The following DYNC1H1 variants were observed in gnomAD, a reference collection of about 807,000 sequenced individuals.
DYNC1H1 encodes the protein dynein cytoplasmic 1 heavy chain 1.
In DYNC1H1, 51 loss-of-function variants were observed where a neutral mutation model predicts 527.1. The ratio of observed to expected loss-of-function variants is 0.10; its 90% confidence interval spans 0.08 to 0.12. DYNC1H1 has a LOEUF of 0.12. Among genes scored for constraint, DYNC1H1 ranks in the 10% least tolerant of loss-of-function variants. The pLI is 1.00. For synonymous variants in DYNC1H1, 2,189 were observed against 2,278.8 expected (o/e 0.96, Z 1.12); for missense variants, 2,771 against 5,971.8 (o/e 0.46, Z 17.66).
rs1216009602 is a variant in DYNC1H1 at position 102,053,871 on chromosome 14, C to G, written c.*3308C>G. The stretch of plus-strand genomic sequence containing the variant: ...AAGTGATCCTCCCACCTCAGCCTCC[C>G]CAGACTACAGGTGCACACCACCACG... On this transcript the variant is annotated 3_prime_UTR_variant, in exon 78 of 78. Coordinates refer to ENST00000360184, the MANE Select transcript of DYNC1H1 (RefSeq NM_001376.5). 1 of 150,224 alleles carries G rather than the reference C, an allele frequency of 6.7e-6. No individual in the cohort carries two copies. The highest frequency in any genetic ancestry group is 1.5e-5 in the Non-Finnish European group (1 of 67,708). The allele number at this position is 150,224 out of a possible 1,614,324, so 9.3% of individuals were successfully genotyped here.
rs1016845822 is a variant in DYNC1H1, at chr14:102,011,442, G to A, written c.6619-433G>A. 5.9e-6 allele frequency: 2 copies of A among 341,446 alleles called. No individual in the cohort carries two copies. The highest frequency in any genetic ancestry group is 2.4e-5 in the South Asian group (1 of 41,798). The allele number at this position is 341,446 out of a possible 1,614,324, so 21.2% of individuals were successfully genotyped here. On this transcript the variant is annotated intron_variant, in intron 32 of 77. Coordinates refer to ENST00000360184, the MANE Select transcript of DYNC1H1 (RefSeq NM_001376.5). This position sits in a 1 kb window ranked among gnomAD's most constrained non-coding sequence, Gnocchi z 5.3. ...ATCCATTGGGTCTCTTGTTGTCCTC[G>A]GCGGGATCTGATGTGTCCTTGTTGA...
Position 101,964,871 on chromosome 14 carries a change from C to T in DYNC1H1, c.180C>T (p.Ser60=). 1 of 1,597,148 alleles carries T rather than the reference C, an allele frequency of 6.3e-7. No homozygotes were observed. Among genetic ancestry groups the T allele is most frequent in the Non-Finnish European group, 8.5e-7 (1 of 1,172,928 alleles). ...TGGAGGCGGCGCTGGAGGAGAAGAG[C>T]GCCCTGGAGCAGATGCGCAAGTTCC... The part of the protein sequence containing the change: ...AALEAALEEK[S]ALEQMRKFLS... The change falls in exon 1 of 78, where the codon AGC becomes AGT. Residue 60 remains serine, a synonymous_variant. Transcript: ENST00000360184. The surrounding 1 kb of genome is among the most constrained non-coding windows in gnomAD (Gnocchi z 5.5).
At position 102,041,069 on chromosome 14, in the gene DYNC1H1, A is replaced by G. The variant is rs574188484; in HGVS notation, c.11941+396A>G. ...GTGTTGGCTTAGAAGTAAATCAGAA[A>G]TTTCCAATTCCTATTCATCTCATGC... On this transcript the variant is annotated intron_variant, in intron 64 of 77. Coordinates refer to ENST00000360184, the MANE Select transcript of DYNC1H1 (RefSeq NM_001376.5). The surrounding 1 kb of genome is among the most constrained non-coding windows in gnomAD (Gnocchi z 4.5). 5.7e-6 allele frequency: 2 copies of G among 352,390 alleles called. No individual in the cohort carries two copies. The highest frequency in any genetic ancestry group is 2.5e-5 in the South Asian group (1 of 40,122). The allele number at this position is 352,390 out of a possible 1,614,324, so 21.8% of individuals were successfully genotyped here. A position where few individuals can be genotyped will look rare whatever the true frequency, so the allele number is the denominator to read the frequency against.
In DYNC1H1 at chr14:102,049,073, A is replaced by C; in HGVS notation, c.13373-367A>C. 1 of 425,950 alleles carries C rather than the reference A, an allele frequency of 2.3e-6. No individual in the cohort carries two copies. The highest frequency in any genetic ancestry group is 4.4e-6 in the Non-Finnish European group (1 of 227,566). 26.4% of individuals were successfully genotyped at this position (425,950 alleles called of 1,614,324 possible). On this transcript the variant is annotated intron_variant, in intron 74 of 77. Coordinates refer to ENST00000360184, the MANE Select transcript of DYNC1H1 (RefSeq NM_001376.5). The surrounding 1 kb of genome is among the most constrained non-coding windows in gnomAD (Gnocchi z 5.5). ...GGGGGGCTCATCCAAAGTTGTGGGG[A>C]GCCCCCAGCATCCTCCTGTTTGCCC...
Position 102,011,836 on chromosome 14 carries a change from T to C in DYNC1H1, c.6619-39T>C, listed in dbSNP as rs755860068. Reference sequence around the variant, plus strand: ...GGCGAGGAGCTGTCCCCATTCCTCCTCTGGGATGGTCACTGTGCTGGTCTG... The same window carrying C: ...GGCGAGGAGCTGTCCCCATTCCTCCCCTGGGATGGTCACTGTGCTGGTCTG... On this transcript the variant is annotated intron_variant, in intron 32 of 77. Coordinates refer to ENST00000360184, the MANE Select transcript of DYNC1H1 (RefSeq NM_001376.5). This position sits in a 1 kb window ranked among gnomAD's most constrained non-coding sequence, Gnocchi z 5.3. The C allele has an allele frequency of 1.2e-6, 2 of 1,608,134 alleles. No homozygotes were observed. Among genetic ancestry groups the C allele is most frequent in the South Asian group, 2.2e-5 (2 of 90,966 alleles).
At chr14:102,043,001 G>T in intron 69 of DYNC1H1, 1 of 516,516 alleles carries the variant, frequency 1.9e-6, no homozygotes, top group Non-Finnish European at 3.6e-6. Flanking sequence ...GTCTGGGCAG[G>T]CCAGGAGTGG....
chr14:102,032,699 A>G (rs955946745), intron 52 of DYNC1H1: 19 of 616,752 alleles, frequency 3.1e-5, no homozygotes, highest in Admixed American at 1.1e-4. Context: ...AAAAAAATAC[A>G]AAAATGAGCT....
At chr14:101,984,401 A>ATGTGTGTGTGTGTGTGTG (rs34162363) in intron 7 of DYNC1H1, among the ~76,000 whole-genome samples, 3 of 102,454 alleles carry the variant, frequency 2.9e-5, no homozygotes, top group African/African-American at 1.4e-4. Context: ...ATGCGTATAT[A>ATGTGTGTGTGTGTGTGTG]TGTGTGTGTG....
At position 101,982,087 on chromosome 14, in the gene DYNC1H1, A is replaced by G. The variant is rs565446898; in HGVS notation, c.962-932A>G. Reference sequence around the variant, plus strand: ...ACTGCCTGAGCTCTGCCCCCGTCACATGAGTGGCGGCATTAGATTCTCATA... The same window carrying G: ...ACTGCCTGAGCTCTGCCCCCGTCACGTGAGTGGCGGCATTAGATTCTCATA... On this transcript the variant is annotated intron_variant, in intron 5 of 77. Transcript: ENST00000360184. Among the ~76,000 whole-genome samples the G allele has an allele frequency of 8.5e-5, 13 of 152,304 alleles. No individual in the cohort carries two copies. In the East Asian group the frequency reaches 2.5e-3, roughly 29 times the overall value.
chr14:101,984,448 A>ATTTTTTT (rs1224932045), intron 7 of DYNC1H1, among the ~76,000 whole-genome samples: 5 of 89,116 alleles, frequency 5.6e-5, no homozygotes, highest in African/African-American at 1.7e-4. Context: ...TATATATATT[A>ATTTTTTT]TATTTTTTTT....
At position 102,001,592 on chromosome 14, in the gene DYNC1H1, C is replaced by T; in HGVS notation, c.4453C>T (p.Arg1485Cys). The T allele has an allele frequency of 1.9e-6, 3 of 1,614,086 alleles. No homozygotes were observed. The highest frequency in any genetic ancestry group is 2.2e-5 in the South Asian group (2 of 91,080). The change falls in exon 21 of 78, where the codon CGC becomes TGC. Residue 1485 changes from arginine to cysteine, a missense_variant. Coordinates refer to ENST00000360184, the MANE Select transcript of DYNC1H1 (RefSeq NM_001376.5). This position sits in a 1 kb window ranked among gnomAD's most constrained non-coding sequence, Gnocchi z 5.0. Reference protein sequence around the residue: ...LDLVNYQNKCRLIRGWDDLFN... With the variant: ...LDLVNYQNKCCLIRGWDDLFN... ...CTTGGTTAATTATCAGAACAAGTGC[C>T]GCTTGATCCGTGGCTGGGATGACCT...
intron 28 of DYNC1H1, 71 bp downstream of exon 28, chr14:102,007,179 G>T (rs75526630): frequency 1.3e-6 from 2 of 1,514,806 alleles, no homozygotes; most frequent in Non-Finnish European, 1.8e-6. Context: ...ATCAAGCTCC[G>T]TACCTCTCTC....
At chr14:102,040,529 C>T (rs553330745) in intron 63 of DYNC1H1, 69 bp from the exon 64 acceptor site, 11 of 1,610,470 alleles carry the variant, frequency 6.8e-6, no homozygotes, top group South Asian at 4.4e-5. Flanking sequence ...GTCAGACTCT[C>T]GCTCAGTCGT....
intron 1 of DYNC1H1, among the ~76,000 whole-genome samples, chr14:101,970,470 G>GTTTTTTTTTTTTTTTTTTTT (rs1324948272): frequency 6.2e-5 from 6 of 96,276 alleles, no homozygotes; most frequent in African/African-American, 9.5e-5. Flanking sequence ...TTGGTTTGTT[G>GTTTTTTTTTTTTTTTTTTTT]TTGTTTTTTT....
intron 15 of DYNC1H1, among the ~76,000 whole-genome samples, chr14:101,995,876 C>A (rs942555502): frequency 2.6e-5 from 4 of 152,018 alleles, no homozygotes; most frequent in Non-Finnish European, 4.4e-5. Context: ...GCCTGGCCAA[C>A]ATAGTGAAAC....
Position 102,033,186 on chromosome 14 carries a change from A to AT in DYNC1H1, c.10197+6dup, listed in dbSNP as rs1292102708. 5 of 1,614,196 alleles carry AT rather than the reference A, an allele frequency of 3.1e-6. No homozygotes were observed. The highest frequency in any genetic ancestry group is 4.2e-6 in the Non-Finnish European group (5 of 1,180,030). ...GGTGAAATGGGCAATTGCACAGGTGATTAACACAGCCAGGAGCTCCCGTGT... is the reference window on the plus strand; with the variant it reads ...GGTGAAATGGGCAATTGCACAGGTGATTTAACACAGCCAGGAGCTCCCGTGT... On this transcript the variant is annotated splice_donor_region_variant and intron_variant, in intron 53 of 77. Coordinates refer to ENST00000360184, the MANE Select transcript of DYNC1H1 (RefSeq NM_001376.5). This position sits in a 1 kb window ranked among gnomAD's most constrained non-coding sequence, Gnocchi z 5.6.
rs988956642 is a variant in DYNC1H1, at chr14:102,039,908, C to T, written c.11690+176C>T. Among the ~76,000 whole-genome samples, 3 of 152,150 alleles carry T rather than the reference C, an allele frequency of 2.0e-5. No homozygotes were observed. Among genetic ancestry groups the T allele is most frequent in the Admixed American group, 6.5e-5 (1 of 15,272 alleles). ...GCTGGAGTGCCGTGGTGTAATCTCA[C>T]CTCACTGCAACCTCCACCTCCCAGG... On this transcript the variant is annotated intron_variant, in intron 62 of 77. Coordinates refer to ENST00000360184, the MANE Select transcript of DYNC1H1 (RefSeq NM_001376.5). The surrounding 1 kb of genome is among the most constrained non-coding windows in gnomAD (Gnocchi z 7.0).
At position 101,994,747 on chromosome 14, in the gene DYNC1H1, C is replaced by T; in HGVS notation, c.3231C>T (p.Asn1077=). 6.2e-7 allele frequency: 1 copy of T among 1,614,196 alleles called. No homozygotes were observed. Among genetic ancestry groups the T allele is most frequent in the Non-Finnish European group, 8.5e-7 (1 of 1,180,048 alleles). The change falls in exon 13 of 78, where the codon AAC becomes AAT. Residue 1077 remains asparagine, a synonymous_variant. Coordinates refer to ENST00000360184, the MANE Select transcript of DYNC1H1 (RefSeq NM_001376.5). ...ATAACAGACTTGGAGAAGATCTCAA[C>T]AAATGGCAGGCTCTCCTGGTCCAAA... The part of the protein sequence containing the change: ...NIYNRLGEDL[N]KWQALLVQIR...
At position 101,983,680 on chromosome 14, in the gene DYNC1H1, T is replaced by TTTG. The variant is rs920712889; in HGVS notation, c.1461+84_1461+86dup. The TTTG allele has an allele frequency of 5.9e-6, 9 of 1,517,042 alleles. No individual in the cohort carries two copies. The highest frequency in any genetic ancestry group is 2.0e-5 in the Admixed American group (1 of 50,614). The allele number at this position is 1,517,042 out of a possible 1,614,324, so 94.0% of individuals were successfully genotyped here. ...TTTGTTTTTTGTTTGGTGTTTTTTT[T>TTTG]TTGTTGTTGTTGTTGAGATGAAGTT... is the stretch of plus-strand genomic sequence containing the variant. On this transcript the variant is annotated intron_variant, in intron 7 of 77. Coordinates refer to ENST00000360184, the MANE Select transcript of DYNC1H1 (RefSeq NM_001376.5). The surrounding 1 kb of genome is among the most constrained non-coding windows in gnomAD (Gnocchi z 5.3).
Sources: gnomAD v4.1 joint callset for allele counts (sites outside exome capture counted in the v4.1 genomes callset) on GRCh38, gnomAD v4.1.1 for gene constraint, Gnocchi (gnomAD v3.1) non-coding constraint, MANE v1.5 for transcripts, NCBI Gene and HGNC (gene_info 2026-07-23, HGNC 2026-07-21) for gene names.